LRMDA: variants seen among roughly 807,000 people sequenced by gnomAD.
LRMDA encodes leucine-rich melanocyte differentiation-associated protein.
LRMDA carries 18 observed loss-of-function variants against 29.8 expected under a neutral mutation model. The observed-to-expected ratio is 0.60, with a 90% CI of 0.42 to 0.90. The LOEUF is 0.90. LRMDA is among the 40% of genes least tolerant of loss of function. LRMDA has a pLI of 0.00. For missense variants in LRMDA, 273 were observed against 273.9 expected (o/e 1.00, Z 0.02); for synonymous variants, 125 against 109.4 (o/e 1.14, Z -0.89).
At chr10:75,669,427 C>T (rs746523427) in intron 2 of LRMDA, among the ~76,000 whole-genome samples, 1 of 152,310 alleles carries the variant, frequency 6.6e-6, no homozygotes, top group East Asian at 1.9e-4. Flanking sequence ...GCTGAAAAAA[C>T]CATACATGGC....
chr10:76,261,209 C>G lies in LRMDA; in HGVS notation c.517-63192C>G, dbSNP rs549205453. Among the ~76,000 whole-genome samples, 39 of 151,810 alleles carry G rather than the reference C, an allele frequency of 2.6e-4. No individual in the cohort carries two copies. The South Asian group carries it at 7.3e-3, about 28-fold the overall frequency. ...CCTCCCAAGTAGCTGGGACTACAGG[C>G]GCCTGCCACCACGCCCGGATAATTT... On this transcript the variant is annotated intron_variant, in intron 5 of 6. Coordinates refer to ENST00000611255, the MANE Select transcript of LRMDA (RefSeq NM_001305581.2).
At position 76,257,618 on chromosome 10, in the gene LRMDA, G is replaced by A. The variant is rs544140166; in HGVS notation, c.517-66783G>A. On this transcript the variant is annotated intron_variant, in intron 5 of 6. Transcript: ENST00000611255. ...CAAAGTGCTGGGATTACAGGTGTGA[G>A]CCACGGCACCTGGCCAGCACTGGGT... 1.4e-4 allele frequency among the ~76,000 whole-genome samples: 21 copies of A among 152,246 alleles called. No homozygotes were observed. In the East Asian group the frequency reaches 4.1e-3, roughly 29 times the overall value.
At chr10:76,141,914 C>G (rs907635332) in intron 5 of LRMDA, among the ~76,000 whole-genome samples, 1 of 152,034 alleles carries the variant, frequency 6.6e-6, no homozygotes, top group Non-Finnish European at 1.5e-5. Context: ...GTTTCTTTGT[C>G]TTTTCTAACT....
chr10:76,371,299 C>G (rs1434527161), intron 6 of LRMDA, among the ~76,000 whole-genome samples: 1 of 152,170 alleles, frequency 6.6e-6, no homozygotes, highest in Non-Finnish European at 1.5e-5. Context: ...CTCCTTCTTG[C>G]AGTGGGGTTT....
intron 5 of LRMDA, among the ~76,000 whole-genome samples, chr10:76,237,552 C>T (rs1852175118): frequency 1.3e-5 from 2 of 152,258 alleles, no homozygotes; most frequent in Middle Eastern, 3.4e-3. Context: ...ACTTTGGTGG[C>T]TTTTGCTGAC....
intron 2 of LRMDA, among the ~76,000 whole-genome samples, chr10:75,544,330 G>A (rs2132050773): frequency 6.6e-6 from 1 of 152,244 alleles, no homozygotes; most frequent in African/African-American, 2.4e-5. Flanking sequence ...AAAAATGAAG[G>A]ACTAAATGAT....
intron 5 of LRMDA, among the ~76,000 whole-genome samples, chr10:76,230,539 T>A (rs1852039056): frequency 6.8e-6 from 1 of 147,058 alleles, no homozygotes; most frequent in Admixed American, 6.9e-5. Context: ...ATTTTATTTT[T>A]CACTGTTAAG....
chr10:76,149,657 G>A (rs1480830277), intron 5 of LRMDA, among the ~76,000 whole-genome samples: 3 of 152,152 alleles, frequency 2.0e-5, no homozygotes, highest in East Asian at 3.9e-4. Context: ...GGGGAGACCA[G>A]GAAGCTCCTC....
At chr10:75,745,462 C>G (rs1459597161) in intron 2 of LRMDA, among the ~76,000 whole-genome samples, 1 of 152,144 alleles carries the variant, frequency 6.6e-6, no homozygotes, top group Non-Finnish European at 1.5e-5. Context: ...GCCCTGTGTC[C>G]TATATCTTCC....
intron 2 of LRMDA, among the ~76,000 whole-genome samples, chr10:75,596,695 A>G (rs1023895929): frequency 3.3e-5 from 5 of 152,192 alleles, no homozygotes; most frequent in African/African-American, 1.2e-4. Flanking sequence ...GGAACATGCA[A>G]CGTCCTCCTT....
intron 2 of LRMDA, among the ~76,000 whole-genome samples, chr10:75,461,883 A>C (rs568970854): frequency 6.6e-6 from 1 of 152,344 alleles, no homozygotes; most frequent in South Asian, 2.1e-4. Context: ...GAGCCCTATG[A>C]GGTGGCGGCC....
chr10:76,404,505 T>C (rs537576988), intron 6 of LRMDA, among the ~76,000 whole-genome samples: 2 of 152,296 alleles, frequency 1.3e-5, no homozygotes, highest in African/African-American at 2.4e-5. Context: ...TCTGCCCTCA[T>C]CTGCCCCTTT....
At chr10:76,065,682 A>G (rs775632018) in intron 5 of LRMDA, among the ~76,000 whole-genome samples, 1 of 152,244 alleles carries the variant, frequency 6.6e-6, no homozygotes, top group Non-Finnish European at 1.5e-5. Context: ...CTGCAACCCA[A>G]CAACTGGGAG....
chr10:75,781,222 TG>T (rs1209243879), intron 2 of LRMDA, among the ~76,000 whole-genome samples: 1 of 152,238 alleles, frequency 6.6e-6, no homozygotes, highest in East Asian at 1.9e-4. Flanking sequence ...TTTTTCTGTT[TG>T]CCTCACTTGA....
intron 2 of LRMDA, chr10:75,782,720 G>C: frequency 1.5e-6 from 2 of 1,298,174 alleles, no homozygotes; most frequent in South Asian, 1.8e-5. Context: ...TTGTGAGATG[G>C]AGACCGGGGC....
chr10:76,194,159 A>T (rs1019041365), intron 5 of LRMDA, among the ~76,000 whole-genome samples: 2 of 152,148 alleles, frequency 1.3e-5, no homozygotes, highest in Admixed American at 1.3e-4. Flanking sequence ...AAGAATTTTG[A>T]GTCTGTTGCA....
intron 2 of LRMDA, among the ~76,000 whole-genome samples, chr10:75,901,623 A>G (rs1305429471): frequency 1.3e-5 from 2 of 152,228 alleles, no homozygotes; most frequent in African/African-American, 2.4e-5. Flanking sequence ...ATGAGATTAC[A>G]TCTTGCACCA....
chr10:75,554,469 A>C (rs1447237577), intron 2 of LRMDA, among the ~76,000 whole-genome samples: 6 of 152,228 alleles, frequency 3.9e-5, no homozygotes, highest in Non-Finnish European at 8.8e-5. Context: ...TTCTAATGGC[A>C]TTAATCAATT....
intron 2 of LRMDA, among the ~76,000 whole-genome samples, chr10:75,618,930 G>A (rs915139745): frequency 2.6e-5 from 4 of 151,906 alleles, no homozygotes; most frequent in South Asian, 2.1e-4. Context: ...CTACAGGTGC[G>A]TGCCACCACT....
Sources: gnomAD v4.1 joint callset for allele counts (sites outside exome capture counted in the v4.1 genomes callset) on GRCh38, gnomAD v4.1.1 for gene constraint, MANE v1.5 for transcripts, NCBI Gene and HGNC (gene_info 2026-07-23, HGNC 2026-07-21) for gene names.